KCNN2: variants seen among roughly 807,000 people sequenced by gnomAD.
KCNN2 encodes the protein small conductance calcium-activated potassium channel protein 2.
A neutral mutation model predicts 55.5 loss-of-function variants in KCNN2; 24 were observed. The ratio of observed to expected loss-of-function variants is 0.43; its 90% CI spans 0.31 to 0.61. The LOEUF is 0.61. Ranked by LOEUF, KCNN2 falls within the 20% of genes least tolerant of loss-of-function variation. KCNN2 has a pLI of 0.08. For missense variants in KCNN2, 754 were observed against 853.6 expected (o/e 0.88, Z 1.45); for synonymous variants, 431 against 336.1 (o/e 1.28, Z -3.09).
chr5:114,422,279 C>G (rs935682860), intron 3 of KCNN2, among the ~76,000 whole-genome samples: 3 of 152,190 alleles, frequency 2.0e-5, no homozygotes, highest in Middle Eastern at 3.4e-3. Context: ...AAACTGGGGT[C>G]TTTCATAGAT....
intron 1 of KCNN2, among the ~76,000 whole-genome samples, chr5:114,086,051 T>C (rs1444613129): frequency 6.6e-6 from 1 of 152,120 alleles, no homozygotes; most frequent in Non-Finnish European, 1.5e-5. Flanking sequence ...CAACTACAGC[T>C]TTTCTTTGAT....
intron 1 of KCNN2, among the ~76,000 whole-genome samples, chr5:114,140,295 C>G (rs961180537): frequency 1.3e-5 from 2 of 152,100 alleles, no homozygotes; most frequent in African/African-American, 4.8e-5. Context: ...GTAGCTAAAC[C>G]TCAGCTCAGT....
rs778213689 is a variant in KCNN2, at chr5:114,251,662, C to T, written c.-185+30097C>T. 1.1e-3 allele frequency among the ~76,000 whole-genome samples: 162 copies of T among 152,232 alleles called. 1 individual carries two copies. Among genetic ancestry groups the T allele is most frequent in the Admixed American group, 1.2e-3 (19 of 15,290 alleles). Reference sequence around the variant, plus strand: ...AGGAACTATGCACTAGATGTGGTCACGTGTGCATTCCACCTGAACTGTTAT... The same window carrying T: ...AGGAACTATGCACTAGATGTGGTCATGTGTGCATTCCACCTGAACTGTTAT... On this transcript the variant is annotated intron_variant, in intron 2 of 10. Coordinates refer to the KCNN2 transcript ENST00000512097.
chr5:114,289,955 T>G (rs58529202), intron 2 of KCNN2, among the ~76,000 whole-genome samples: 3,194 of 152,284 alleles, frequency 0.021, 123 homozygotes, highest in African/African-American at 0.073. Flanking sequence ...CAGACTTCCT[T>G]TTTTGGATTA....
At chr5:114,056,301 G>T (rs527984716) in exon 1 of KCNN2, 49 of 398,490 alleles carry the variant, frequency 1.2e-4, no homozygotes, top group African/African-American at 9.4e-4. Context: ...CACGGAATTT[G>T]ACGCCCGAGA....
intron 2 of KCNN2, among the ~76,000 whole-genome samples, chr5:114,326,277 A>T (rs1488605631): frequency 6.6e-6 from 1 of 152,126 alleles, no homozygotes; most frequent in Non-Finnish European, 1.5e-5. Flanking sequence ...CACAGAGGCC[A>T]CGGGGATAGG....
rs70976320 is a variant in KCNN2, at chr5:114,202,601, T to TTTTTTTTTC, written c.-270-18879_-270-18878insTTTTTTTTC. Among the ~76,000 whole-genome samples the TTTTTTTTTC allele has an allele frequency of 3.1e-4, 44 of 141,090 alleles. 1 individual carries two copies. The highest frequency in any genetic ancestry group is 1.2e-3 in the African/African-American group (43 of 36,112). 92.6% of individuals were successfully genotyped at this position (141,090 alleles called of 152,430 possible). A position where few individuals can be genotyped will look rare whatever the true frequency, so the allele number is the denominator to read the frequency against. Reference sequence around the variant, plus strand: ...TATATATATATTTTTTTTTTTTTTTTCCCGAGACAGAGTCTCGCTCTGTTG... The same window carrying TTTTTTTTTC: ...TATATATATATTTTTTTTTTTTTTTTTTTTTTTTCCCCGAGACAGAGTCTCGCTCTGTTG... On this transcript the variant is annotated intron_variant, in intron 1 of 10. Transcript: ENST00000512097.
At chr5:114,268,426 T>C (rs558686573) in intron 2 of KCNN2, among the ~76,000 whole-genome samples, 2 of 152,362 alleles carry the variant, frequency 1.3e-5, no homozygotes, top group East Asian at 3.9e-4. Flanking sequence ...CTAATTATAA[T>C]CGTGTCTCTC....
At chr5:114,323,959 C>G (rs893156336) in intron 2 of KCNN2, among the ~76,000 whole-genome samples, 1 of 151,962 alleles carries the variant, frequency 6.6e-6, no homozygotes, top group Admixed American at 6.6e-5. Context: ...ATATGTGAAA[C>G]AGTGATATCT....
At chr5:114,103,874 G>C in intron 1 of KCNN2, among the ~76,000 whole-genome samples, 1 of 152,062 alleles carries the variant, frequency 6.6e-6, no homozygotes, top group East Asian at 1.9e-4. Flanking sequence ...AGGGATATTG[G>C]CCTGAGATTT....
chr5:114,078,501 G>T (rs750288111), intron 1 of KCNN2, among the ~76,000 whole-genome samples: 3 of 152,162 alleles, frequency 2.0e-5, no homozygotes, highest in Admixed American at 6.5e-5. Context: ...CTTCCCTCAC[G>T]CTCTGAGCCC....
At position 114,413,191 on chromosome 5, in the gene KCNN2, G is replaced by T. The variant is rs569359024; in HGVS notation, c.1637+8335G>T. Among the ~76,000 whole-genome samples the T allele has an allele frequency of 2.0e-4, 31 of 152,286 alleles. No individual in the cohort carries two copies. In the South Asian group the frequency reaches 6.4e-3, roughly 32 times the overall value. On this transcript the variant is annotated intron_variant, in intron 3 of 7. Transcript: ENST00000673685. ...TTTGCCAAATAAATTGGTCATTAAA[G>T]TCTTTTATGGAAAGAAAAACCAGTA...
chr5:114,257,696 T>C (rs1321322358), intron 2 of KCNN2, among the ~76,000 whole-genome samples: 1 of 152,226 alleles, frequency 6.6e-6, no homozygotes, highest in Non-Finnish European at 1.5e-5. Flanking sequence ...TGTACATTGA[T>C]TTCATATCTT....
chr5:114,155,400 A>G (rs1389204290), intron 1 of KCNN2, among the ~76,000 whole-genome samples: 1 of 152,114 alleles, frequency 6.6e-6, no homozygotes, highest in Non-Finnish European at 1.5e-5. Flanking sequence ...TTGGGTGTAT[A>G]CCCGGTAATG....
At chr5:114,291,124 A>G (rs1561557653) in intron 2 of KCNN2, among the ~76,000 whole-genome samples, 2 of 152,078 alleles carry the variant, frequency 1.3e-5, no homozygotes, top group Admixed American at 1.3e-4. Context: ...TAGGAAATCT[A>G]TATGAAATAT....
At chr5:114,295,984 T>G (rs535129067) in intron 2 of KCNN2, among the ~76,000 whole-genome samples, 27 of 152,320 alleles carry the variant, frequency 1.8e-4, no homozygotes, top group Admixed American at 5.9e-4. Flanking sequence ...CCGCTGGTAA[T>G]AGTCATAAGT....
At chr5:114,491,558 A>G (rs1011823432) in intron 6 of KCNN2, among the ~76,000 whole-genome samples, 5 of 140,552 alleles carry the variant, frequency 3.6e-5, no homozygotes, top group African/African-American at 1.3e-4. Flanking sequence ...AGCAGGTGTT[A>G]GGAGATAAAG....
intron 4 of KCNN2, among the ~76,000 whole-genome samples, chr5:114,465,442 C>A (rs988793787): frequency 6.6e-6 from 1 of 152,092 alleles, no homozygotes; most frequent in South Asian, 2.1e-4. Context: ...GAGAAACCCC[C>A]TCTCTACTAA....
At chr5:114,079,830 T>TGTGTGA (rs1750766258) in intron 1 of KCNN2, among the ~76,000 whole-genome samples, 1 of 144,504 alleles carries the variant, frequency 6.9e-6, no homozygotes, top group African/African-American at 2.6e-5. Flanking sequence ...AATATGTGTG[T>TGTGTGA]GTGTGTGTGT....
Sources: gnomAD v4.1 joint callset for allele counts (sites outside exome capture counted in the v4.1 genomes callset) on GRCh38, gnomAD v4.1.1 for gene constraint, MANE v1.5 for transcripts, NCBI Gene and HGNC (gene_info 2026-07-23, HGNC 2026-07-21) for gene names.